The following CSMD1 variants were observed in gnomAD, a reference collection of about 807,000 sequenced individuals.
CSMD1 encodes the protein CUB and sushi domain-containing protein 1.
A neutral mutation model predicts 417.5 loss-of-function variants in CSMD1; 213 were observed. The ratio of observed to expected loss-of-function variants is 0.51; its 90% confidence interval spans 0.46 to 0.57. CSMD1 has a LOEUF of 0.57. CSMD1 is among the 20% of genes least tolerant of loss of function. The probability of loss-of-function intolerance (pLI) is 0.00; values close to 1 mark genes in which losing one functional copy is unlikely to be tolerated. For missense variants in CSMD1, 6,923 were observed against 4,529.7 expected (o/e 1.53, Z -15.17); for synonymous variants, 2,862 against 1,736.8 (o/e 1.65, Z -16.11).
chr8:4,819,755 A>C (rs185424892), intron 1 of CSMD1, among the ~76,000 whole-genome samples: 1 of 152,110 alleles, frequency 6.6e-6, no homozygotes, highest in East Asian at 1.9e-4. Context: ...GTAGAGAGGG[A>C]CCTGGCTGCT....
At chr8:3,786,331 G>T (rs561754097) in intron 5 of CSMD1, among the ~76,000 whole-genome samples, 3 of 152,174 alleles carry the variant, frequency 2.0e-5, no homozygotes, top group Non-Finnish European at 4.4e-5. Context: ...CTGTTGGATG[G>T]AGGGTCACTG....
At chr8:4,713,751 C>T (rs10094500) in intron 1 of CSMD1, among the ~76,000 whole-genome samples, 1 of 151,940 alleles carries the variant, frequency 6.6e-6, no homozygotes, top group East Asian at 1.9e-4. Flanking sequence ...GGCAACTCCA[C>T]GGACAGGTAA....
chr8:4,381,748 GT>G (rs1007015303), intron 3 of CSMD1, among the ~76,000 whole-genome samples: 1 of 152,080 alleles, frequency 6.6e-6, no homozygotes, highest in African/African-American at 2.4e-5. Flanking sequence ...TCGATGCTAT[GT>G]TTTTTTGTTT....
intron 1 of CSMD1, among the ~76,000 whole-genome samples, chr8:4,892,333 G>T (rs73505834): frequency 6.6e-6 from 1 of 152,018 alleles, no homozygotes; most frequent in Non-Finnish European, 1.5e-5. Context: ...CTTAGGTGAC[G>T]AAGCCATCTC....
rs554109554 is a variant in CSMD1, at chr8:4,794,688, T to A, written c.86-157130A>T. Reference sequence around the variant, plus strand: ...TCTTCTGCTGACTGCTATTGGCCCATCTCTCTTAAGGCCATGTGGCAGAGT... The same window carrying A: ...TCTTCTGCTGACTGCTATTGGCCCAACTCTCTTAAGGCCATGTGGCAGAGT... On this transcript the variant is annotated intron_variant, in intron 1 of 69. Transcript: ENST00000635120. Among the ~76,000 whole-genome samples, 3 of 152,288 alleles carry A rather than the reference T, an allele frequency of 2.0e-5. No individual in the cohort carries two copies. The South Asian group carries it at 6.2e-4, about 32-fold the overall frequency.
chr8:3,985,399 C>A (rs529582376), intron 5 of CSMD1, among the ~76,000 whole-genome samples: 6 of 152,092 alleles, frequency 3.9e-5, no homozygotes, highest in Admixed American at 3.9e-4. Context: ...GAATATACAT[C>A]TACCCTCTTG....
At chr8:4,881,847 C>T (rs1803423297) in intron 1 of CSMD1, among the ~76,000 whole-genome samples, 1 of 151,888 alleles carries the variant, frequency 6.6e-6, no homozygotes, top group Admixed American at 6.6e-5. Context: ...ACAATTCGAG[C>T]ATTATTTTGT....
chr8:4,402,820 TCTTTTTTTTTTTTTTTTG>T (rs1392662955), intron 3 of CSMD1, among the ~76,000 whole-genome samples: 1 of 64,440 alleles, frequency 1.6e-5, no homozygotes, highest in South Asian at 5.7e-4. Context: ...TTTTTTTTTT[TCTTTTTTTTTTTTTTTTG>T]GAGACAGAGC....
chr8:4,043,205 C>G (rs559718929), intron 3 of CSMD1, among the ~76,000 whole-genome samples: 6 of 152,074 alleles, frequency 3.9e-5, no homozygotes, highest in South Asian at 2.1e-4. Flanking sequence ...GCTATAAAGT[C>G]TAAAGTCACC....
chr8:4,872,045 T>C lies in CSMD1; in HGVS notation c.85+122287A>G, dbSNP rs558130910. ...AAATCCTCATGGCTCCTGCAGACAATATTAATAAATAACTTGCAAATTCCC... is the reference window on the plus strand; with the variant it reads ...AAATCCTCATGGCTCCTGCAGACAACATTAATAAATAACTTGCAAATTCCC... On this transcript the variant is annotated intron_variant, in intron 1 of 69. Transcript: ENST00000635120. Among the ~76,000 whole-genome samples, 87 of 152,228 alleles carry C rather than the reference T, an allele frequency of 5.7e-4. 1 individual carries two copies. Among genetic ancestry groups the C allele is most frequent in the African/African-American group, 2.0e-3 (83 of 41,490 alleles).
intron 5 of CSMD1, among the ~76,000 whole-genome samples, chr8:3,875,460 G>A (rs925178814): frequency 6.6e-6 from 1 of 152,112 alleles, no homozygotes; most frequent in African/African-American, 2.4e-5. Flanking sequence ...GTGAATGGGT[G>A]GAAAAGCCCG....
chr8:3,556,392 A>AAATATATATATATATATATATAT (rs1799144386), intron 10 of CSMD1, among the ~76,000 whole-genome samples: 4 of 120,446 alleles, frequency 3.3e-5, no homozygotes, highest in South Asian at 5.4e-4. Flanking sequence ...TATAATAATT[A>AAATATATATATATATATATATAT]ATATATATAT....
intron 1 of CSMD1, among the ~76,000 whole-genome samples, chr8:4,968,931 T>G (rs974617665): frequency 2.0e-5 from 3 of 152,138 alleles, no homozygotes; most frequent in African/African-American, 7.2e-5. Context: ...CCCAAACATT[T>G]TGTCATTCTC....
chr8:4,636,698 A>G (rs1405224588), intron 2 of CSMD1, among the ~76,000 whole-genome samples: 2 of 152,258 alleles, frequency 1.3e-5, no homozygotes, highest in Non-Finnish European at 1.5e-5. Flanking sequence ...ATAACTTTCA[A>G]TAAAAAGTTA....
chr8:3,538,497 C>T (rs1367970456), intron 10 of CSMD1, among the ~76,000 whole-genome samples: 1 of 151,802 alleles, frequency 6.6e-6, no homozygotes, highest in Non-Finnish European at 1.5e-5. Flanking sequence ...GCCTCACCTG[C>T]GATGCCTCAC....
At chr8:3,011,564 G>A (rs1371163036) in intron 52 of CSMD1, among the ~76,000 whole-genome samples, 1 of 152,032 alleles carries the variant, frequency 6.6e-6, no homozygotes, top group Admixed American at 6.5e-5. Context: ...TGCATTTACA[G>A]AACAATTCAT....
At chr8:3,563,322 A>C (rs980747957) in intron 10 of CSMD1, among the ~76,000 whole-genome samples, 1 of 151,926 alleles carries the variant, frequency 6.6e-6, no homozygotes, top group Non-Finnish European at 1.5e-5. Flanking sequence ...CTGAATATAA[A>C]AGGTTTTGCT....
At chr8:3,506,424 C>A (rs556590854) in intron 10 of CSMD1, among the ~76,000 whole-genome samples, 5 of 152,246 alleles carry the variant, frequency 3.3e-5, no homozygotes, top group African/African-American at 1.2e-4. Flanking sequence ...GGAGAAGGTG[C>A]CGAATGGGTA....
intron 5 of CSMD1, among the ~76,000 whole-genome samples, chr8:3,964,386 C>T (rs969318127): frequency 5.9e-5 from 9 of 152,080 alleles, no homozygotes; most frequent in East Asian, 1.9e-4. Context: ...TGTATCAATT[C>T]CAACGTATAA....
Sources: gnomAD v4.1 joint callset for allele counts (sites outside exome capture counted in the v4.1 genomes callset) on GRCh38, gnomAD v4.1.1 for gene constraint, MANE v1.5 for transcripts, NCBI Gene and HGNC (gene_info 2026-07-23, HGNC 2026-07-21) for gene names.